Variants in RUNX2 observed in about 807,000 individuals in gnomAD.
RUNX2 encodes RUNX family transcription factor 2, also known as runt-related transcription factor 2.
RUNX2 carries 10 observed loss-of-function variants against 51.7 expected under a neutral mutation model. The ratio of observed to expected loss-of-function variants is 0.19; its 90% CI spans 0.12 to 0.33. The LOEUF (loss-of-function observed/expected upper bound fraction) is 0.33, where lower values mean the gene tolerates loss of function less well. Among genes scored for constraint, RUNX2 ranks in the 10% least tolerant of loss-of-function variants. RUNX2 has a pLI of 1.00. For missense variants in RUNX2, 562 were observed against 691.3 expected, an observed-to-expected ratio of 0.81 and a Z score of 2.10; for synonymous variants, 276 against 273.6, an observed-to-expected ratio of 1.01 and a Z score of -0.09.
intron 2 of RUNX2, among the ~76,000 whole-genome samples, chr6:45,412,652 TA>T (rs969583109): frequency 6.6e-6 from 1 of 150,880 alleles, no homozygotes; most frequent in East Asian, 1.9e-4. Context: ...AACCTTTTTT[TA>T]AAAAAACAGT....
At chr6:45,455,280 T>C (rs556900864) in intron 5 of RUNX2, among the ~76,000 whole-genome samples, 3 of 152,370 alleles carry the variant, frequency 2.0e-5, no homozygotes, top group African/African-American at 4.8e-5. Flanking sequence ...ACAAAGTAAC[T>C]GTAGAAATTC....
chr6:45,528,968 G>A (rs575528905), intron 7 of RUNX2, among the ~76,000 whole-genome samples: 14 of 152,320 alleles, frequency 9.2e-5, no homozygotes, highest in Admixed American at 7.2e-4. Flanking sequence ...ATAACCACAA[G>A]CCAAGCTTAT....
chr6:45,487,095 G>A (rs1800306111), intron 5 of RUNX2, among the ~76,000 whole-genome samples: 2 of 152,122 alleles, frequency 1.3e-5, no homozygotes, highest in African/African-American at 4.8e-5. Flanking sequence ...TGAATTTATT[G>A]CAACAAAAGT....
chr6:45,479,140 A>G (rs1161142477), intron 5 of RUNX2, among the ~76,000 whole-genome samples: 1 of 152,206 alleles, frequency 6.6e-6, no homozygotes, highest in African/African-American at 2.4e-5. Flanking sequence ...CTGAGCAGAA[A>G]GAATGCCATT....
chr6:45,477,053 G>A (rs996618618), intron 5 of RUNX2, among the ~76,000 whole-genome samples: 2 of 152,126 alleles, frequency 1.3e-5, no homozygotes, highest in African/African-American at 4.8e-5. Flanking sequence ...TGTGTCCCTT[G>A]CCTGGACACA....
chr6:45,412,437 A>G (rs1797971553), intron 2 of RUNX2, among the ~76,000 whole-genome samples: 1 of 152,108 alleles, frequency 6.6e-6, no homozygotes, highest in Admixed American at 6.5e-5. Flanking sequence ...GAAGTAAACT[A>G]AGGGTTTTGA....
chr6:45,357,387 G>A (rs757779541), intron 2 of RUNX2, among the ~76,000 whole-genome samples: 9 of 152,058 alleles, frequency 5.9e-5, no homozygotes, highest in Non-Finnish European at 1.2e-4. Context: ...CTGGAGAACA[G>A]TGGCAGGATC....
At chr6:45,331,356 A>G (rs1210569401) in intron 2 of RUNX2, among the ~76,000 whole-genome samples, 2 of 152,028 alleles carry the variant, frequency 1.3e-5, no homozygotes, top group Admixed American at 1.3e-4. Context: ...AAATCTTTGT[A>G]ACTGCTTGAA....
chr6:45,495,564 C>T (rs1800620907), intron 6 of RUNX2, among the ~76,000 whole-genome samples: 1 of 152,108 alleles, frequency 6.6e-6, no homozygotes, highest in South Asian at 2.1e-4. Flanking sequence ...TCATGTAATC[C>T]TTTGGACAAG....
intron 2 of RUNX2, among the ~76,000 whole-genome samples, chr6:45,342,990 T>C (rs761902839): frequency 4.6e-5 from 7 of 152,294 alleles, no homozygotes; most frequent in Middle Eastern, 3.4e-3. Flanking sequence ...GCAACCAACA[T>C]TTAAGCTCCC....
chr6:45,498,857 G>A (rs994520984), intron 6 of RUNX2, among the ~76,000 whole-genome samples: 2 of 152,212 alleles, frequency 1.3e-5, no homozygotes, highest in Admixed American at 1.3e-4. Flanking sequence ...AGAAAGCACA[G>A]CTGAGTTGCA....
intron 2 of RUNX2, among the ~76,000 whole-genome samples, chr6:45,381,805 G>A (rs1037083698): frequency 3.3e-5 from 5 of 152,166 alleles, no homozygotes; most frequent in African/African-American, 1.2e-4. Context: ...GGGGGTTGGG[G>A]TGCCACAAAA....
intron 2 of RUNX2, among the ~76,000 whole-genome samples, chr6:45,386,335 G>A (rs1313025370): frequency 1.3e-5 from 2 of 152,152 alleles, no homozygotes; most frequent in Admixed American, 1.3e-4. Context: ...CCAAAGTGCT[G>A]GGATTACAAG....
chr6:45,526,594 T>A (rs1449228286), intron 7 of RUNX2, among the ~76,000 whole-genome samples: 1 of 152,236 alleles, frequency 6.6e-6, no homozygotes, highest in Non-Finnish European at 1.5e-5. Flanking sequence ...TATGACTGCA[T>A]GATAAAAATA....
intron 6 of RUNX2, among the ~76,000 whole-genome samples, chr6:45,506,815 A>AT (rs1246155852): frequency 1.3e-5 from 2 of 151,804 alleles, no homozygotes; most frequent in Non-Finnish European, 2.9e-5. Context: ...TAATTTTTGT[A>AT]TTTTTTTGTA....
At chr6:45,448,773 G>T (rs114495871) in intron 5 of RUNX2, among the ~76,000 whole-genome samples, 1 of 152,212 alleles carries the variant, frequency 6.6e-6, no homozygotes, top group African/African-American at 2.4e-5. Context: ...TTTTGGTTGC[G>T]GGGGATACTC....
intron 7 of RUNX2, among the ~76,000 whole-genome samples, chr6:45,541,173 T>C (rs1174315739): frequency 6.6e-6 from 1 of 152,146 alleles, no homozygotes; most frequent in Non-Finnish European, 1.5e-5. Flanking sequence ...GACATTTTTT[T>C]TTTCATTTTA....
intron 2 of RUNX2, among the ~76,000 whole-genome samples, chr6:45,357,472 AGG>A (rs1449617879): frequency 3.3e-5 from 5 of 152,060 alleles, no homozygotes; most frequent in Non-Finnish European, 5.9e-5. Flanking sequence ...CTGGGACTAC[AGG>A]GCCCAGATAA....
At chr6:45,514,978 C>T (rs1801275445) in intron 7 of RUNX2, among the ~76,000 whole-genome samples, 1 of 150,928 alleles carries the variant, frequency 6.6e-6, no homozygotes, top group South Asian at 2.1e-4. Context: ...AAATAAAGTC[C>T]TTTGGATTGA....
Sources: allele counts gnomAD v4.1 joint callset (sites outside exome capture counted in the v4.1 genomes callset), GRCh38; gene constraint gnomAD v4.1.1; transcripts MANE v1.5; gene names NCBI Gene and HGNC (gene_info 2026-07-23, HGNC 2026-07-21).